The following CLASP2 variants were observed in gnomAD, a reference collection of about 807,000 sequenced individuals.
CLASP2 encodes CLIP-associating protein 2.
Under a neutral mutation model 194.4 loss-of-function variants are expected in CLASP2, and 47 were observed. The ratio of observed to expected loss-of-function variants is 0.24; its 90% CI spans 0.19 to 0.31. The LOEUF (loss-of-function observed/expected upper bound fraction) is 0.31. Ranked by LOEUF, CLASP2 falls within the 10% of genes least tolerant of loss-of-function variation. CLASP2 has a pLI of 1.00. For missense variants in CLASP2, 1,445 were observed against 1,823.6 expected (o/e 0.79, Z 3.78); for synonymous variants, 619 against 633.5 (o/e 0.98, Z 0.34).
At chr3:33,631,257 C>G (rs2079032375) in intron 9 of CLASP2, among the ~76,000 whole-genome samples, 2 of 152,150 alleles carry the variant, frequency 1.3e-5, no homozygotes, top group Non-Finnish European at 1.5e-5. Context: ...ACTATCATAC[C>G]TTTCTCACAG....
chr3:33,577,842 G>C (rs554701523), intron 23 of CLASP2, among the ~76,000 whole-genome samples: 1 of 152,290 alleles, frequency 6.6e-6, no homozygotes, highest in African/African-American at 2.4e-5. Flanking sequence ...TCTAACATTT[G>C]AAAACACAAT....
intron 1 of CLASP2, among the ~76,000 whole-genome samples, chr3:33,703,445 C>T (rs1303293573): frequency 1.3e-5 from 2 of 152,190 alleles, no homozygotes; most frequent in African/African-American, 2.4e-5. Context: ...AATTCACCGA[C>T]AACACTAAGT....
chr3:33,633,507 A>C (rs1256815290), intron 8 of CLASP2, among the ~76,000 whole-genome samples: 2 of 152,224 alleles, frequency 1.3e-5, no homozygotes, highest in Non-Finnish European at 2.9e-5. Context: ...GTTCACAATC[A>C]AAGATCAAAT....
intron 1 of CLASP2, among the ~76,000 whole-genome samples, chr3:33,709,786 C>T (rs1575766666): frequency 6.6e-6 from 1 of 152,138 alleles, no homozygotes; most frequent in South Asian, 2.1e-4. Flanking sequence ...AATTTGTTAG[C>T]AGCAATAGGA....
intron 34 of CLASP2, among the ~76,000 whole-genome samples, chr3:33,520,453 T>G (rs980816416): frequency 3.3e-5 from 5 of 152,338 alleles, no homozygotes; most frequent in African/African-American, 1.2e-4. Flanking sequence ...CACTGGTGAA[T>G]GTATCAGCTT....
chr3:33,544,939 C>A, intron 30 of CLASP2, 98 bp from the exon 31 acceptor site: 1 of 767,804 alleles, frequency 1.3e-6, no homozygotes, highest in Non-Finnish European at 1.9e-6. Flanking sequence ...CGAAGCTTGA[C>A]CATCTTTCCC....
At chr3:33,703,094 A>G (rs2092477628) in intron 1 of CLASP2, among the ~76,000 whole-genome samples, 1 of 152,252 alleles carries the variant, frequency 6.6e-6, no homozygotes, top group African/African-American at 2.4e-5. Flanking sequence ...CATGAAAGAA[A>G]TAACTGTTAA....
intron 30 of CLASP2, among the ~76,000 whole-genome samples, chr3:33,545,632 G>A (rs1416423698): frequency 6.6e-6 from 1 of 152,162 alleles, no homozygotes. Context: ...TAAGACTGCT[G>A]TAACAGGCCA....
In CLASP2 at chr3:33,496,676, A is replaced by C. The variant is rs1440598333; in HGVS notation, c.*1955T>G. ...TCTACTTGGTTGTCAACAGTAGTTA[A>C]AGCAGTATCTTAAACCAGAGGTCAA... On this transcript the variant is annotated 3_prime_UTR_variant, in exon 39 of 39. Transcript: ENST00000682230. 1 of 152,164 alleles carries C rather than the reference A, an allele frequency of 6.6e-6. No homozygotes were observed. The highest frequency in any genetic ancestry group is 1.5e-5 in the Non-Finnish European group (1 of 67,998). 9.4% of individuals were successfully genotyped at this position (152,164 alleles called of 1,614,324 possible). A position where few individuals can be genotyped will look rare whatever the true frequency, so the allele number is the denominator to read the frequency against.
At chr3:33,637,376 C>A (rs551004781) in intron 8 of CLASP2, among the ~76,000 whole-genome samples, 5 of 152,040 alleles carry the variant, frequency 3.3e-5, no homozygotes, top group Non-Finnish European at 7.4e-5. Context: ...ACTAAAAATA[C>A]AAAAATTAGC....
chr3:33,567,054 A>G (rs1240842321), intron 26 of CLASP2, among the ~76,000 whole-genome samples: 1 of 152,202 alleles, frequency 6.6e-6, no homozygotes, highest in Non-Finnish European at 1.5e-5. Context: ...ATCTGAAAAT[A>G]ATCCAAGAAT....
At chr3:33,676,757 T>C (rs1185045449) in intron 6 of CLASP2, among the ~76,000 whole-genome samples, 4 of 152,126 alleles carry the variant, frequency 2.6e-5, no homozygotes, top group South Asian at 4.2e-4. Context: ...ACCATCAGAG[T>C]GAACAGGCAA....
In CLASP2 at chr3:33,698,217, G is replaced by T. The variant is rs114289929; in HGVS notation, c.196-1284C>A. ...AGAAATAAAAGTTTGAAGCTCCTCA[G>T]TGAAGGATATCAAACACTGTTACGC... On this transcript the variant is annotated intron_variant, in intron 1 of 38. Transcript: ENST00000682230. Among the ~76,000 whole-genome samples, 1,021 of 152,246 alleles carry T rather than the reference G, an allele frequency of 6.7e-3. 11 individuals are homozygous for T. Among genetic ancestry groups the T allele is most frequent in the African/African-American group, 0.023 (967 of 41,534 alleles).
At chr3:33,581,982 T>C (rs2066266825) in intron 22 of CLASP2, 54 bp from the exon 23 acceptor site, 3 of 1,313,260 alleles carry the variant, frequency 2.3e-6, no homozygotes, top group Non-Finnish European at 3.2e-6. Flanking sequence ...GAACAGAGTT[T>C]GCATTTTAAA....
Position 33,570,543 on chromosome 3 carries a change from A to T in CLASP2, c.2763+184T>A, listed in dbSNP as rs1175244065. ...AGTCTTAGACCATCTATCATTGGAGAAGCTCAAATAGTTACCAGAGATTAA... is the reference window on the plus strand; with the variant it reads ...AGTCTTAGACCATCTATCATTGGAGTAGCTCAAATAGTTACCAGAGATTAA... On this transcript the variant is annotated intron_variant, in intron 26 of 38. Transcript: ENST00000682230. The T allele has an allele frequency of 4.4e-6, 3 of 679,890 alleles. No individual in the cohort carries two copies. The Admixed American group carries it at 8.4e-5, about 19-fold the overall frequency. 42.1% of individuals were successfully genotyped at this position (679,890 alleles called of 1,614,324 possible).
At chr3:33,645,929 TACACACAC>T (rs60196645) in intron 7 of CLASP2, among the ~76,000 whole-genome samples, 17,454 of 135,076 alleles carry the variant, frequency 0.13, 1,251 homozygotes, top group Admixed American at 0.23. Context: ...TCTCCCAGCA[TACACACAC>T]ACACACACAC....
chr3:33,626,781 A>ACCAC (rs2078131818), intron 10 of CLASP2, among the ~76,000 whole-genome samples: 1 of 152,108 alleles, frequency 6.6e-6, no homozygotes, highest in Admixed American at 6.6e-5. Context: ...TAGGATAGGC[A>ACCAC]CCACCTGATC....
intron 23 of CLASP2, among the ~76,000 whole-genome samples, chr3:33,579,763 G>A (rs2065626280): frequency 6.6e-6 from 1 of 152,120 alleles, no homozygotes; most frequent in Admixed American, 6.5e-5. Flanking sequence ...TTGTTTTATA[G>A]ATGAGGAAAC....
rs1426672279 is a variant in CLASP2 at position 33,675,752 on chromosome 3, A to G, written c.644+8607T>C. 1.4e-5 allele frequency among the ~76,000 whole-genome samples: 2 copies of G among 143,064 alleles called. 1 individual carries two copies. The highest frequency in any genetic ancestry group is 3.1e-5 in the Non-Finnish European group (2 of 64,922). The allele number at this position is 143,064 out of a possible 152,430, so 93.9% of individuals were successfully genotyped here. On this transcript the variant is annotated intron_variant, in intron 6 of 38. Coordinates refer to ENST00000682230, the MANE Select transcript of CLASP2 (RefSeq NM_001365631.1). ...ACTTCAGCAAAGTCTCAGGATACAA[A>G]ATCAATGTACAAAAATCACAAGCAT... is the stretch of plus-strand genomic sequence containing the variant.
Sources: gnomAD v4.1 joint callset for allele counts (sites outside exome capture counted in the v4.1 genomes callset) on GRCh38, gnomAD v4.1.1 for gene constraint, MANE v1.5 for transcripts, NCBI Gene and HGNC (gene_info 2026-07-23, HGNC 2026-07-21) for gene names.